UNC5A: variants seen among roughly 807,000 people sequenced by gnomAD.
UNC5A encodes netrin receptor UNC5A.
Under a neutral mutation model 87.4 loss-of-function variants are expected in UNC5A, and 20 were observed. The observed-to-expected ratio is 0.23, with a 90% confidence interval of 0.16 to 0.33. UNC5A has a LOEUF of 0.33. Ranked by LOEUF, UNC5A falls within the 10% of genes least tolerant of loss-of-function variation. The probability of loss-of-function intolerance (pLI) is 1.00; values close to 1 mark genes in which losing one functional copy is unlikely to be tolerated. For synonymous variants in UNC5A, 438 were observed against 482.3 expected (o/e 0.91, Z 1.20); for missense variants, 844 against 1,133.4 (o/e 0.74, Z 3.67).
intron 1 of UNC5A, among the ~76,000 whole-genome samples, chr5:176,855,973 C>T (rs1258937080): frequency 1.3e-5 from 2 of 152,132 alleles, no homozygotes; most frequent in Non-Finnish European, 2.9e-5. Context: ...GTCTGCAGGG[C>T]GGACGGCGCC....
At position 176,820,736 on chromosome 5, in the gene UNC5A, G is replaced by A. The variant is rs974426361; in HGVS notation, c.70+9916G>A. Among the ~76,000 whole-genome samples the A allele has an allele frequency of 3.3e-5, 5 of 152,174 alleles. 1 individual carries two copies. Among genetic ancestry groups the A allele is most frequent in the Admixed American group, 1.3e-4 (2 of 15,274 alleles). On this transcript the variant is annotated intron_variant, in intron 1 of 14. Coordinates refer to ENST00000329542, the MANE Select transcript of UNC5A (RefSeq NM_133369.3). ...CCTGGAGTTTGCATAAGGCTCATTGGGCTGTGGCACCTCCAGTGGATGTTT... is the reference window on the plus strand; with the variant it reads ...CCTGGAGTTTGCATAAGGCTCATTGAGCTGTGGCACCTCCAGTGGATGTTT...
intron 1 of UNC5A, among the ~76,000 whole-genome samples, chr5:176,835,760 TG>T (rs1757138066): frequency 6.6e-6 from 1 of 151,938 alleles, no homozygotes; most frequent in African/African-American, 2.4e-5. Flanking sequence ...TGTGTGTGTG[TG>T]TCCTGAAATG....
At chr5:176,839,282 G>T (rs760920022) in intron 1 of UNC5A, among the ~76,000 whole-genome samples, 2 of 152,252 alleles carry the variant, frequency 1.3e-5, no homozygotes, top group African/African-American at 2.4e-5. Flanking sequence ...GGAGCAGGTA[G>T]GGGGGCCAAG....
chr5:176,868,045 G>A, intron 2 of UNC5A, 85 bp from the exon 3 acceptor site: 1 of 1,296,558 alleles, frequency 7.7e-7, no homozygotes, highest in South Asian at 1.5e-5. Flanking sequence ...CAGTCAGCGA[G>A]AGTGGCTGAG....
intron 11 of UNC5A, 36 bp downstream of exon 11, chr5:176,878,163 C>T: frequency 6.2e-7 from 1 of 1,603,912 alleles, no homozygotes; most frequent in Non-Finnish European, 8.5e-7. Context: ...CGCTGGGAGG[C>T]CGAGCTATGC....
At chr5:176,845,300 T>G (rs561326075) in intron 1 of UNC5A, among the ~76,000 whole-genome samples, 56 of 152,340 alleles carry the variant, frequency 3.7e-4, no homozygotes, top group Non-Finnish European at 6.9e-4. Context: ...CTGCCGCCCC[T>G]GCTTCCCCAC....
At chr5:176,813,010 C>T (rs1756503008) in intron 1 of UNC5A, among the ~76,000 whole-genome samples, 1 of 152,216 alleles carries the variant, frequency 6.6e-6, no homozygotes, top group African/African-American at 2.4e-5. Flanking sequence ...GCAGGGGGCG[C>T]CGGGGGCCAG....
chr5:176,811,010 C>G (rs1359419351), intron 1 of UNC5A, among the ~76,000 whole-genome samples, 190 bp downstream of exon 1: 1 of 152,052 alleles, frequency 6.6e-6, no homozygotes, highest in Non-Finnish European at 1.5e-5. Context: ...TCCCGGAAGC[C>G]TGGGTTCTGC....
chr5:176,877,340 A>G (rs1758287596), intron 9 of UNC5A, 61 bp downstream of exon 9: 3 of 1,487,854 alleles, frequency 2.0e-6, no homozygotes, highest in Non-Finnish European at 1.8e-6. Flanking sequence ...TTCGGTCCCC[A>G]GGAAGCCCCC....
intron 1 of UNC5A, among the ~76,000 whole-genome samples, chr5:176,856,790 G>A (rs1041483690): frequency 1.2e-4 from 18 of 150,886 alleles, no homozygotes; most frequent in Non-Finnish European, 2.2e-4. Flanking sequence ...CACTCCTCAC[G>A]CAGGGAGAGC....
intron 2 of UNC5A, 124 bp from the exon 3 acceptor site, chr5:176,868,006 A>C: frequency 1.3e-6 from 1 of 785,018 alleles, no homozygotes; most frequent in Non-Finnish European, 1.8e-6. Flanking sequence ...TAAAATTTAA[A>C]AAAAAAAAAA....
At chr5:176,877,509 T>G in intron 9 of UNC5A, 26 bp from the exon 10 acceptor site, 1 of 1,564,106 alleles carries the variant, frequency 6.4e-7, no homozygotes, top group Non-Finnish European at 8.7e-7. Context: ...CACCTTTCCC[T>G]CCCCACCCAT....
chr5:176,868,718 TGGCAGGGGCCACTCTG>T, intron 4 of UNC5A, 50 bp from the exon 5 acceptor site: 1 of 1,588,532 alleles, frequency 6.3e-7, no homozygotes, highest in African/African-American at 1.3e-5. Flanking sequence ...CTGGTCACCC[TGGCAGGGGCCACTCTG>T]GGCAGGGCCA....
At chr5:176,847,249 C>T (rs1757432418) in intron 1 of UNC5A, among the ~76,000 whole-genome samples, 1 of 152,164 alleles carries the variant, frequency 6.6e-6, no homozygotes, top group Non-Finnish European at 1.5e-5. Context: ...CCATCCAGCG[C>T]GTGACTCTGG....
At chr5:176,851,377 C>G (rs970302677) in intron 1 of UNC5A, among the ~76,000 whole-genome samples, 7 of 152,350 alleles carry the variant, frequency 4.6e-5, no homozygotes, top group African/African-American at 1.4e-4. Context: ...TGCCTCTGGG[C>G]TCTGGTCCCC....
At chr5:176,820,031 G>A (rs1756690442) in intron 1 of UNC5A, among the ~76,000 whole-genome samples, 1 of 152,218 alleles carries the variant, frequency 6.6e-6, no homozygotes, top group Non-Finnish European at 1.5e-5. Context: ...GGGAGGCCGA[G>A]GCGGGCGGAT....
chr5:176,818,599 C>T (rs957939522), intron 1 of UNC5A, among the ~76,000 whole-genome samples: 2 of 152,222 alleles, frequency 1.3e-5, no homozygotes, highest in African/African-American at 4.8e-5. Flanking sequence ...GGTCACACCG[C>T]AGGAAGTGGC....
chr5:176,839,435 G>C (rs1268643126), intron 1 of UNC5A, among the ~76,000 whole-genome samples: 1 of 152,258 alleles, frequency 6.6e-6, no homozygotes, highest in Admixed American at 6.5e-5. Context: ...CCTGGTGATG[G>C]ATGGCTGCTG....
chr5:176,837,816 T>C (rs1182550107), intron 1 of UNC5A, among the ~76,000 whole-genome samples: 2 of 152,058 alleles, frequency 1.3e-5, no homozygotes, highest in Non-Finnish European at 2.9e-5. Flanking sequence ...ATAGCGGTCC[T>C]GGACGTGGCA....
Sources: allele counts gnomAD v4.1 joint callset (sites outside exome capture counted in the v4.1 genomes callset), GRCh38; gene constraint gnomAD v4.1.1; transcripts MANE v1.5; gene names NCBI Gene and HGNC (gene_info 2026-07-23, HGNC 2026-07-21).